Variants in TASOR observed in about 807,000 individuals in gnomAD.
TASOR encodes transcription activation suppressor, also known as protein TASOR.
Under a neutral mutation model 178.6 loss-of-function variants are expected in TASOR, and 53 were observed. The ratio of observed to expected loss-of-function variants is 0.30; its 90% CI spans 0.24 to 0.37. The LOEUF is 0.37. Among genes scored for constraint, TASOR ranks in the 10% least tolerant of loss-of-function variants. TASOR has a pLI of 1.00. For missense variants in TASOR, 1,815 were observed against 1,971.4 expected, an observed-to-expected ratio of 0.92 and a Z score of 1.50; for synonymous variants, 713 against 696.2, an observed-to-expected ratio of 1.02 and a Z score of -0.38.
chr3:56,670,221 G>T, intron 3 of TASOR, 76 bp from the exon 4 acceptor site: 2 of 911,894 alleles, frequency 2.2e-6, no homozygotes, highest in Non-Finnish European at 1.6e-6. Context: ...TTATAAACTT[G>T]GTTTAAATAA....
At chr3:56,656,108 T>C (rs1425060685) in intron 11 of TASOR, among the ~76,000 whole-genome samples, 1 of 152,126 alleles carries the variant, frequency 6.6e-6, no homozygotes, top group Admixed American at 6.5e-5. Flanking sequence ...GGGACTACTA[T>C]AAAGATGAGA....
chr3:56,652,584 G>A (rs542313065), intron 11 of TASOR, among the ~76,000 whole-genome samples: 56 of 151,468 alleles, frequency 3.7e-4, no homozygotes, highest in African/African-American at 1.3e-3. Context: ...GGCTAAAATG[G>A]TTAATTTTAT....
intron 1 of TASOR, among the ~76,000 whole-genome samples, chr3:56,677,769 A>G (rs2031439155): frequency 6.6e-6 from 1 of 152,192 alleles, no homozygotes; most frequent in African/African-American, 2.4e-5. Flanking sequence ...CTACCTTCCT[A>G]TCTTCTCTCA....
chr3:56,680,930 T>C (rs111391349), intron 1 of TASOR, among the ~76,000 whole-genome samples: 4,803 of 152,150 alleles, frequency 0.032, 107 homozygotes, highest in Non-Finnish European at 0.049. Context: ...CCACTTTTAG[T>C]GTGTTCAGCT....
intron 11 of TASOR, among the ~76,000 whole-genome samples, chr3:56,653,638 T>G (rs1290858049): frequency 6.6e-6 from 1 of 151,924 alleles, no homozygotes; most frequent in East Asian, 1.9e-4. Context: ...GATTATACAT[T>G]TTTCTCAAAC....
chr3:56,621,497 AT>A lies in TASOR; in HGVS notation c.*1539del. 7.3e-7 allele frequency: 1 copy of A among 1,370,822 alleles called. No homozygotes were observed. The highest frequency in any genetic ancestry group is 1.3e-5 in the South Asian group (1 of 77,356). The allele number at this position is 1,370,822 out of a possible 1,614,324, so 84.9% of individuals were successfully genotyped here. ...ACAACATTGCAAGTCAGGTGTGCAC[AT>A]TTTACTAACAAACATATATCAATGT... is the stretch of plus-strand genomic sequence containing the variant. On this transcript the variant is annotated 3_prime_UTR_variant, in exon 24 of 24. Coordinates refer to ENST00000683822, the MANE Select transcript of TASOR (RefSeq NM_001365635.2).
chr3:56,640,215 C>T (rs759732695), intron 15 of TASOR, 85 bp from the exon 16 acceptor site: 3 of 1,244,098 alleles, frequency 2.4e-6, no homozygotes, highest in Non-Finnish European at 3.4e-6. Context: ...TGAAAATTCA[C>T]GTGCTTCAAT....
At chr3:56,673,260 T>C (rs968909223) in intron 2 of TASOR, among the ~76,000 whole-genome samples, 6 of 152,016 alleles carry the variant, frequency 3.9e-5, no homozygotes, top group African/African-American at 2.4e-5. Flanking sequence ...AAAAGAGATG[T>C]CATTTAAAAC....
chr3:56,632,648 C>T (rs1187460475), intron 18 of TASOR, among the ~76,000 whole-genome samples: 1 of 152,082 alleles, frequency 6.6e-6, no homozygotes, highest in African/African-American at 2.4e-5. Context: ...TATGAAAATA[C>T]ACAATTAACA....
At chr3:56,660,701 A>C (rs779100969) in intron 11 of TASOR, 30 bp downstream of exon 11, 1 of 1,532,418 alleles carries the variant, frequency 6.5e-7, no homozygotes, top group Non-Finnish European at 9.0e-7. Flanking sequence ...GTAACAAAGA[A>C]TGAGAAACAT....
intron 9 of TASOR, 130 bp from the exon 10 acceptor site, chr3:56,661,147 A>G: frequency 1.6e-6 from 1 of 632,712 alleles, no homozygotes; most frequent in Non-Finnish European, 2.7e-6. Flanking sequence ...ACCTTATTCT[A>G]AAGATCTTTT....
intron 18 of TASOR, among the ~76,000 whole-genome samples, chr3:56,631,665 G>A (rs2076918097): frequency 6.7e-6 from 1 of 149,356 alleles, no homozygotes; most frequent in South Asian, 2.2e-4. Context: ...CTCACTGCAA[G>A]CTCCGCCTCC....
chr3:56,629,532 T>TA (rs2076867347), intron 18 of TASOR, among the ~76,000 whole-genome samples: 2 of 152,332 alleles, frequency 1.3e-5, no homozygotes, highest in South Asian at 4.1e-4. Context: ...ACATACAAAT[T>TA]AGCCATTTCT....
chr3:56,683,130 G>T lies in TASOR; in HGVS notation c.-124C>A. 8.8e-7 allele frequency: 1 copy of T among 1,142,690 alleles called. No homozygotes were observed. The highest frequency in any genetic ancestry group is 1.2e-6 in the Non-Finnish European group (1 of 834,806). 70.8% of individuals were successfully genotyped at this position (1,142,690 alleles called of 1,614,324 possible). On this transcript the variant is annotated 5_prime_UTR_variant, in exon 1 of 24. Transcript: ENST00000683822. ...GCCCACCCACCCCCTTCCCCCCGTG[G>T]CCTCAGGCTGCGCTCCCGACCTGGC...
chr3:56,640,073 G>T lies in TASOR; in HGVS notation c.2677C>A (p.Pro893Thr). The change falls in exon 16 of 24, where the codon CCC (proline) becomes ACC (threonine). Residue 893 changes from proline to threonine, a missense_variant. Physicochemically the swap from Pro to Thr is conservative, Grantham distance 38 (BLOSUM62 -1). Around this residue, in one of 5 missense-constraint regions of TASOR, gnomAD observed 655 missense variants for 671.1 expected, o/e 0.98. Transcript: ENST00000683822. ...TGTCTACGAAATCCATGTTCAATGG[G>T]AACACTGGGACACAAACTGCAATCT... ...FEDCSLCPSVPIEHGFRRQQS... is the reference protein window; with the variant it reads ...FEDCSLCPSVTIEHGFRRQQS... 3 of 1,613,106 alleles carry T rather than the reference G, an allele frequency of 1.9e-6. No homozygotes were observed. The highest frequency in any genetic ancestry group is 2.5e-6 in the Non-Finnish European group (3 of 1,179,500).
chr3:56,648,631 C>CAAAAAAAAA (rs56218279), intron 13 of TASOR, among the ~76,000 whole-genome samples, 191 bp downstream of exon 13: 9 of 84,554 alleles, frequency 1.1e-4, no homozygotes, highest in Non-Finnish European at 1.3e-4. Context: ...AACTCTGTAT[C>CAAAAAAAAA]AAAAAAAAAA....
Position 56,633,826 on chromosome 3 carries a change from T to C in TASOR, c.2965A>G (p.Thr989Ala). Residue 989 changes from threonine (T) to alanine (A), a missense_variant, in exon 18 of 24, where the codon ACT becomes GCT. Around this residue, in one of 5 missense-constraint regions of TASOR, gnomAD observed 655 missense variants for 671.1 expected, o/e 0.98. Coordinates refer to ENST00000683822, the MANE Select transcript of TASOR (RefSeq NM_001365635.2). ...SPFTDTLKGTTEDDVLTGQVE... is the reference protein window; with the variant it reads ...SPFTDTLKGTAEDDVLTGQVE... ...TGACCTGTCAACACGTCATCCTCAG[T>C]GGTGCCCTTTAGTGTGTCTGTAAAT... 1 of 1,614,168 alleles carries C rather than the reference T, an allele frequency of 6.2e-7. No homozygotes were observed. The highest frequency in any genetic ancestry group is 8.5e-7 in the Non-Finnish European group (1 of 1,180,016).
chr3:56,645,704 A>G (rs1458699464), intron 14 of TASOR, among the ~76,000 whole-genome samples: 1 of 152,254 alleles, frequency 6.6e-6, no homozygotes, highest in Non-Finnish European at 1.5e-5. Flanking sequence ...GAACAACAAA[A>G]AAAGAAAAAC....
rs562808818 is a variant in TASOR at position 56,633,476 on chromosome 3, G to C, written c.3315C>G (p.Asn1105Lys). ...TCGATGCTATCTTAGCACCAGAATC[G>C]TTAGGACTGACTGGTGGCAAATTCC... ...KGGNLPPVSP[N>K]DSGAKIASNP... is the part of the protein sequence containing the mutation. Residue 1105 changes from asparagine (N) to lysine (K), a missense_variant, in exon 18 of 24, where the codon AAC (asparagine) becomes AAG (lysine). Asn to Lys is a moderately conservative substitution (Grantham distance 94). Coordinates refer to ENST00000683822, the MANE Select transcript of TASOR (RefSeq NM_001365635.2). 1 of 1,614,020 alleles carries C rather than the reference G, an allele frequency of 6.2e-7. No individual in the cohort carries two copies.
Sources: allele counts gnomAD v4.1 joint callset (sites outside exome capture counted in the v4.1 genomes callset), GRCh38; gene constraint gnomAD v4.1.1; regional missense constraint gnomAD v4.1.1; transcripts MANE v1.5; gene names NCBI Gene and HGNC (gene_info 2026-07-23, HGNC 2026-07-21).